Variants in ZNF385D observed in about 807,000 individuals in gnomAD.
The protein encoded by ZNF385D is zinc finger protein 385D, also known as zinc finger protein 659.
ZNF385D carries 15 observed loss-of-function variants against 35.8 expected under a neutral mutation model. That is an observed-to-expected ratio of 0.42 (90% CI 0.28 to 0.64). The LOEUF (loss-of-function observed/expected upper bound fraction) is 0.64. Ranked by LOEUF, ZNF385D falls within the 30% of genes least tolerant of loss-of-function variation. ZNF385D has a pLI of 0.23. For missense variants in ZNF385D, 474 were observed against 494.6 expected (o/e 0.96, Z 0.39); for synonymous variants, 212 against 186.8 (o/e 1.13, Z -1.10).
upstream of ZNF385D, among the ~76,000 whole-genome samples, chr3:21,755,950 A>G (rs1055133251): frequency 6.6e-6 from 1 of 152,188 alleles, no homozygotes; most frequent in African/African-American, 2.4e-5. Context: ...GATCTTAAAA[A>G]GCAAACCAAG....
At chr3:22,188,718 G>C (rs753222506) in intron 2 of ZNF385D, among the ~76,000 whole-genome samples, 2 of 152,182 alleles carry the variant, frequency 1.3e-5, no homozygotes, top group African/African-American at 2.4e-5. Context: ...CCAAAGTGCT[G>C]AGATTACAGG....
chr3:22,089,479 C>T (rs573055989), intron 3 of ZNF385D, among the ~76,000 whole-genome samples: 7 of 152,304 alleles, frequency 4.6e-5, no homozygotes, highest in Admixed American at 1.3e-4. Flanking sequence ...CTGCGGTACA[C>T]GCAATTTCTG....
chr3:21,591,782 C>T (rs1409607139), intron 2 of ZNF385D, among the ~76,000 whole-genome samples: 1 of 152,070 alleles, frequency 6.6e-6, no homozygotes, highest in Non-Finnish European at 1.5e-5. Context: ...TGTTTTTAGC[C>T]TCATTCAGAA....
intron 2 of ZNF385D, among the ~76,000 whole-genome samples, chr3:22,182,873 T>C (rs916229553): frequency 1.3e-5 from 2 of 152,080 alleles, no homozygotes; most frequent in African/African-American, 4.8e-5. Flanking sequence ...TAGGAGACTT[T>C]AGTAAATGTT....
chr3:22,015,092 A>G (rs371539694), intron 3 of ZNF385D, among the ~76,000 whole-genome samples: 3 of 152,204 alleles, frequency 2.0e-5, no homozygotes, highest in Admixed American at 6.5e-5. Context: ...TGGGACTCCC[A>G]CATTTATTAT....
intron 3 of ZNF385D, among the ~76,000 whole-genome samples, chr3:22,024,133 G>A (rs368687479): frequency 1.7e-4 from 26 of 152,160 alleles, no homozygotes; most frequent in African/African-American, 4.8e-4. Context: ...GGAGCCAGAC[G>A]GGCCTAGTCT....
intron 3 of ZNF385D, among the ~76,000 whole-genome samples, chr3:22,071,372 A>T (rs17010716): frequency 1.3e-5 from 2 of 152,046 alleles, no homozygotes; most frequent in Non-Finnish European, 2.9e-5. Flanking sequence ...CCAAAGCAAG[A>T]AAGAGATTTT....
chr3:21,908,157 T>C lies in ZNF385D; in HGVS notation c.326-243129A>G, dbSNP rs673444. 8.3e-3 allele frequency among the ~76,000 whole-genome samples: 1,242 copies of C among 150,224 alleles called. 18 individuals are homozygous for C. Among genetic ancestry groups the C allele is most frequent in the African/African-American group, 0.027 (1,110 of 40,448 alleles). On this transcript the variant is annotated intron_variant, in intron 3 of 5. Coordinates refer to the ZNF385D transcript ENST00000494108. ...ATCTATCTATCTATCTATCTATCTA[T>C]CTATCTATCTATCTATATATGTATA...
Position 21,487,646 on chromosome 3 carries a change from A to T in ZNF385D, c.439+23215T>A, listed in dbSNP as rs78323531. Among the ~76,000 whole-genome samples the T allele has an allele frequency of 8.7e-3, 1,326 of 152,214 alleles. 10 individuals carry two copies. The highest frequency in any genetic ancestry group is 0.015 in the Non-Finnish European group (1,019 of 68,012). Reference sequence around the variant, plus strand: ...AACATACTTGCTGAAAATATAATACACATAGCTAGATCACAACCTTCCCTA... The same window carrying T: ...AACATACTTGCTGAAAATATAATACTCATAGCTAGATCACAACCTTCCCTA... On this transcript the variant is annotated intron_variant, in intron 4 of 7. Transcript: ENST00000281523.
chr3:21,990,966 C>A (rs1344728627), intron 3 of ZNF385D, among the ~76,000 whole-genome samples: 1 of 152,208 alleles, frequency 6.6e-6, no homozygotes, highest in Admixed American at 6.5e-5. Flanking sequence ...GCAATACCAA[C>A]AGTGCACTGT....
chr3:21,753,770 GTT>G (rs59729671), upstream of ZNF385D, among the ~76,000 whole-genome samples: 5 of 14,790 alleles, frequency 3.4e-4, no homozygotes, highest in South Asian at 6.4e-3. Flanking sequence ...TTTGGTGGTT[GTT>G]GTTGTTGTTG....
At chr3:22,048,061 TC>T (rs1047406714) in intron 3 of ZNF385D, among the ~76,000 whole-genome samples, 4 of 152,140 alleles carry the variant, frequency 2.6e-5, no homozygotes, top group Non-Finnish European at 5.9e-5. Flanking sequence ...AAACATCCAT[TC>T]ATTTTTTTCA....
At chr3:21,497,062 A>T (rs2125425158) in intron 4 of ZNF385D, among the ~76,000 whole-genome samples, 1 of 152,280 alleles carries the variant, frequency 6.6e-6, no homozygotes, top group East Asian at 1.9e-4. Flanking sequence ...CAATCAGGCA[A>T]GAGAAAGAAA....
At chr3:21,492,394 A>G (rs942720789) in intron 4 of ZNF385D, among the ~76,000 whole-genome samples, 2 of 151,862 alleles carry the variant, frequency 1.3e-5, no homozygotes, top group African/African-American at 2.4e-5. Context: ...ATAAACAAAC[A>G]AAAACAAACA....
intron 3 of ZNF385D, among the ~76,000 whole-genome samples, chr3:21,513,187 A>C (rs1442051241): frequency 6.6e-6 from 1 of 152,162 alleles, no homozygotes; most frequent in Non-Finnish European, 1.5e-5. Context: ...AAGGAAGCCC[A>C]CAAGTTAAGA....
At chr3:22,061,668 T>C (rs923948157) in intron 3 of ZNF385D, among the ~76,000 whole-genome samples, 3 of 152,178 alleles carry the variant, frequency 2.0e-5, no homozygotes, top group African/African-American at 7.2e-5. Flanking sequence ...GATTCTAGAA[T>C]ATATTAAGTG....
chr3:22,122,103 CT>C (rs1264867741), intron 3 of ZNF385D, among the ~76,000 whole-genome samples: 1 of 152,096 alleles, frequency 6.6e-6, no homozygotes, highest in African/African-American at 2.4e-5. Context: ...TGCCTGACTT[CT>C]TTATCAAGTT....
At chr3:21,706,045 T>C (rs1357379396) in intron 1 of ZNF385D, among the ~76,000 whole-genome samples, 1 of 152,208 alleles carries the variant, frequency 6.6e-6, no homozygotes, top group Non-Finnish European at 1.5e-5. Flanking sequence ...GAACATCTGA[T>C]GCACTACTTT....
At chr3:22,315,244 A>G (rs1215931912) in intron 2 of ZNF385D, among the ~76,000 whole-genome samples, 2 of 152,216 alleles carry the variant, frequency 1.3e-5, no homozygotes, top group African/African-American at 4.8e-5. Context: ...ATTAACGAAG[A>G]CAAGTCAGAC....
Sources: allele counts gnomAD v4.1 joint callset (sites outside exome capture counted in the v4.1 genomes callset), GRCh38; gene constraint gnomAD v4.1.1; transcripts MANE v1.5; gene names NCBI Gene and HGNC (gene_info 2026-07-23, HGNC 2026-07-21).